RASGRF2: variants seen among roughly 807,000 people sequenced by gnomAD.
RASGRF2 encodes ras-specific guanine nucleotide-releasing factor 2.
Under a neutral mutation model 151.0 loss-of-function variants are expected in RASGRF2, and 76 were observed. The ratio of observed to expected loss-of-function variants is 0.50; its 90% confidence interval spans 0.42 to 0.61. The LOEUF is 0.61. Ranked by LOEUF, RASGRF2 falls within the 20% of genes least tolerant of loss-of-function variation. RASGRF2 has a pLI of 0.00. For synonymous variants in RASGRF2, 504 were observed against 566.5 expected (o/e 0.89, Z 1.57); for missense variants, 1,148 against 1,564.6 (o/e 0.73, Z 4.49).
At chr5:80,970,860 A>G (rs1198937422) in intron 1 of RASGRF2, among the ~76,000 whole-genome samples, 1 of 152,154 alleles carries the variant, frequency 6.6e-6, no homozygotes, top group Non-Finnish European at 1.5e-5. Flanking sequence ...TTACCAAACC[A>G]ATGTTCATTC....
At chr5:81,099,361 G>T (rs1430699504) in intron 12 of RASGRF2, among the ~76,000 whole-genome samples, 1 of 152,052 alleles carries the variant, frequency 6.6e-6, no homozygotes, top group African/African-American at 2.4e-5. Context: ...TGCTTTTATA[G>T]CTTTTTCTGA....
At chr5:81,180,807 C>T (rs531984931) in intron 18 of RASGRF2, among the ~76,000 whole-genome samples, 7 of 151,976 alleles carry the variant, frequency 4.6e-5, no homozygotes, top group East Asian at 1.9e-4. Context: ...TGTTTTGGGT[C>T]CCAATGCTGT....
At chr5:81,200,287 AAAG>A (rs746163248) in intron 18 of RASGRF2, among the ~76,000 whole-genome samples, 13 of 152,128 alleles carry the variant, frequency 8.5e-5, no homozygotes, top group South Asian at 2.1e-4. Flanking sequence ...AAAAAAAAAA[AAAG>A]AAGAAGAATA....
rs1395513869 is a variant in RASGRF2, at chr5:81,228,938, A to C, written c.*3168A>C. 2 of 152,240 alleles carry C rather than the reference A, an allele frequency of 1.3e-5. No individual in the cohort carries two copies. Among genetic ancestry groups the C allele is most frequent in the Non-Finnish European group, 2.9e-5 (2 of 68,056 alleles). 9.4% of individuals were successfully genotyped at this position (152,240 alleles called of 1,614,324 possible). Reference sequence around the variant, plus strand: ...CTTATAAACAAATGAAACTCAGAGAAACTGAATCACCTGGAAGAGAAAAAT... The same window carrying C: ...CTTATAAACAAATGAAACTCAGAGACACTGAATCACCTGGAAGAGAAAAAT... On this transcript the variant is annotated 3_prime_UTR_variant, in exon 27 of 27. Coordinates refer to ENST00000265080, the MANE Select transcript of RASGRF2 (RefSeq NM_006909.3).
intron 2 of RASGRF2, among the ~76,000 whole-genome samples, chr5:81,051,210 C>T (rs1199304099): frequency 5.3e-5 from 8 of 151,778 alleles, no homozygotes; most frequent in Non-Finnish European, 1.2e-4. Context: ...ATTTTTTTGT[C>T]TTGTAGTTAT....
intron 17 of RASGRF2, among the ~76,000 whole-genome samples, chr5:81,160,672 T>C (rs976557381): frequency 1.9e-4 from 23 of 122,086 alleles, no homozygotes; most frequent in East Asian, 5.7e-4. Context: ...AGAGCAAGAC[T>C]CTGTCTCAAA....
At chr5:81,158,144 G>A (rs1754304685) in intron 17 of RASGRF2, among the ~76,000 whole-genome samples, 1 of 152,102 alleles carries the variant, frequency 6.6e-6, no homozygotes, top group Admixed American at 6.5e-5. Flanking sequence ...ACTACAGTTA[G>A]CAAGATAGTA....
chr5:81,047,301 T>A (rs1750867572), intron 2 of RASGRF2, among the ~76,000 whole-genome samples: 1 of 152,098 alleles, frequency 6.6e-6, no homozygotes. Flanking sequence ...GATAGAGAAG[T>A]AAGGTGTATC....
intron 2 of RASGRF2, among the ~76,000 whole-genome samples, chr5:81,047,584 G>A (rs1032741437): frequency 1.3e-5 from 2 of 152,156 alleles, no homozygotes; most frequent in South Asian, 2.1e-4. Context: ...TCCTTTAAGG[G>A]CAGAGCATAC....
At position 81,228,794 on chromosome 5, in the gene RASGRF2, A is replaced by C. The variant is rs540129070; in HGVS notation, c.*3024A>C. The C allele has an allele frequency of 6.6e-6, 1 of 152,326 alleles. No homozygotes were observed. The highest frequency in any genetic ancestry group is 2.4e-5 in the African/African-American group (1 of 41,568). 9.4% of individuals were successfully genotyped at this position (152,326 alleles called of 1,614,324 possible). On this transcript the variant is annotated 3_prime_UTR_variant, in exon 27 of 27. Coordinates refer to ENST00000265080, the MANE Select transcript of RASGRF2 (RefSeq NM_006909.3). The stretch of plus-strand genomic sequence containing the variant: ...AAGTAAAACGTCGTCACTTTTCCTT[A>C]GTGCTTTTCTGAAGGAATTTAAAGA...
intron 2 of RASGRF2, among the ~76,000 whole-genome samples, chr5:81,044,831 T>TAGGATA: frequency 6.6e-6 from 1 of 152,174 alleles, no homozygotes; most frequent in African/African-American, 2.4e-5. Flanking sequence ...ACTACAGTCT[T>TAGGATA]TTCTTGTTCT....
intron 26 of RASGRF2, among the ~76,000 whole-genome samples, chr5:81,224,757 C>T (rs1755933618): frequency 6.6e-6 from 1 of 152,174 alleles, no homozygotes; most frequent in South Asian, 2.1e-4. Context: ...TCTCAAAACA[C>T]TATGCTGAGT....
At chr5:81,222,526 G>A (rs1192964748) in intron 26 of RASGRF2, among the ~76,000 whole-genome samples, 2 of 152,150 alleles carry the variant, frequency 1.3e-5, no homozygotes, top group Admixed American at 1.3e-4. Flanking sequence ...CCACTCTTAA[G>A]GTTGTATTGC....
intron 4 of RASGRF2, 122 bp from the exon 5 acceptor site, chr5:81,073,077 A>G: frequency 8.2e-7 from 1 of 1,218,664 alleles, no homozygotes; most frequent in South Asian, 1.6e-5. Flanking sequence ...GGGAATCCTT[A>G]TCAATTTTAG....
chr5:81,086,446 C>G (rs190910292), intron 8 of RASGRF2, among the ~76,000 whole-genome samples: 1 of 152,134 alleles, frequency 6.6e-6, no homozygotes, highest in East Asian at 1.9e-4. Context: ...GTTACAAGCA[C>G]TTATTTATGT....
rs559400281 is a variant in RASGRF2 at position 81,184,422 on chromosome 5, G to A, written c.2793+4141G>A. Among the ~76,000 whole-genome samples the A allele has an allele frequency of 8.5e-5, 13 of 152,302 alleles. No individual in the cohort carries two copies. The East Asian group carries it at 1.7e-3, about 20-fold the overall frequency. On this transcript the variant is annotated intron_variant, in intron 18 of 26. Transcript: ENST00000265080. The stretch of plus-strand genomic sequence containing the variant: ...TCAGATCTGTGCACAAGACTCTGTC[G>A]AAGGCCTTTCACGTATGATCTATAG...
chr5:80,991,532 C>G (rs1748650544), intron 1 of RASGRF2, among the ~76,000 whole-genome samples: 1 of 152,126 alleles, frequency 6.6e-6, no homozygotes, highest in Non-Finnish European at 1.5e-5. Flanking sequence ...GGACTTTGAC[C>G]TTTTTCACCT....
intron 26 of RASGRF2, 149 bp from the exon 27 acceptor site, chr5:81,225,529 T>A: frequency 1.6e-6 from 2 of 1,219,956 alleles, no homozygotes. Flanking sequence ...TTTTTTTTTT[T>A]TAACAATGGA....
chr5:81,144,176 G>A (rs1357417379), intron 17 of RASGRF2, among the ~76,000 whole-genome samples: 10 of 152,196 alleles, frequency 6.6e-5, no homozygotes, highest in Admixed American at 1.3e-4. Flanking sequence ...CAAGCTTTTA[G>A]TTAAAAAAAT....
Sources: allele counts gnomAD v4.1 joint callset (sites outside exome capture counted in the v4.1 genomes callset), GRCh38; gene constraint gnomAD v4.1.1; transcripts MANE v1.5; gene names NCBI Gene and HGNC (gene_info 2026-07-23, HGNC 2026-07-21).